The following PLA2G2C variants were observed in gnomAD, a reference collection of about 807,000 sequenced individuals.
The protein encoded by PLA2G2C is phospholipase A2 group IIC.
PLA2G2C carries 15 observed loss-of-function variants against 14.3 expected under a neutral mutation model. The ratio of observed to expected loss-of-function variants is 1.05; its 90% confidence interval spans 0.70 to 1.62. The LOEUF (loss-of-function observed/expected upper bound fraction) is 1.62, where lower values mean the gene tolerates loss of function less well. Among genes scored for constraint, PLA2G2C ranks in the 40% most tolerant of loss-of-function variants. The probability of loss-of-function intolerance (pLI) is 0.00; values close to 1 mark genes in which losing one functional copy is unlikely to be tolerated. For missense variants in PLA2G2C, 162 were observed against 173.2 expected, an observed-to-expected ratio of 0.94 and a Z score of 0.36; for synonymous variants, 79 against 67.7, an observed-to-expected ratio of 1.17 and a Z score of -0.82.
At chr1:20,179,750 G>C (rs1260665863) in intron 1 of PLA2G2C, among the ~76,000 whole-genome samples, 5 of 147,424 alleles carry the variant, frequency 3.4e-5, no homozygotes, top group Non-Finnish European at 7.5e-5. Context: ...GTGTGTGTGT[G>C]TGTGTGTGTG....
chr1:20,164,706 C>T (rs1477800326), intron 4 of PLA2G2C, among the ~76,000 whole-genome samples: 1 of 152,214 alleles, frequency 6.6e-6, no homozygotes, highest in Non-Finnish European at 1.5e-5. Flanking sequence ...CAAGGGAACC[C>T]TTGATATCCT....
intron 1 of PLA2G2C, among the ~76,000 whole-genome samples, chr1:20,182,806 G>A (rs866932111): frequency 1.3e-5 from 2 of 152,350 alleles, no homozygotes; most frequent in South Asian, 4.1e-4. Flanking sequence ...CTGAAATCTA[G>A]AAATCACTAA....
chr1:20,164,182 G>A lies in PLA2G2C; in HGVS notation c.284-25C>T, dbSNP rs116572693. 1.6e-3 allele frequency: 2,523 copies of A among 1,599,832 alleles called. 24 individuals carry two copies. The African/African-American group carries it at 0.026, about 16-fold the overall frequency. ...CCTACAGAGACACAGAGGGTCACTG[G>A]GGGCTCCCAGCCCAGCCCCAGGGTT... On this transcript the variant is annotated intron_variant, in intron 4 of 4. Transcript: ENST00000679259.
At chr1:20,180,512 A>T (rs1196433098) in intron 1 of PLA2G2C, among the ~76,000 whole-genome samples, 1 of 152,196 alleles carries the variant, frequency 6.6e-6, no homozygotes, top group Non-Finnish European at 1.5e-5. Flanking sequence ...AACCTGAAAA[A>T]ATCCACACAG....
chr1:20,171,809 G>A (rs1036320141), intron 4 of PLA2G2C, among the ~76,000 whole-genome samples: 3 of 144,314 alleles, frequency 2.1e-5, no homozygotes, highest in South Asian at 2.3e-4. Flanking sequence ...TGGCCCAGGC[G>A]GGAGTGCAGT....
chr1:20,164,895 GC>G (rs1182791896), intron 4 of PLA2G2C, among the ~76,000 whole-genome samples: 1 of 152,202 alleles, frequency 6.6e-6, no homozygotes, highest in Non-Finnish European at 1.5e-5. Context: ...TTTGGCCACT[GC>G]CCAAATCTCT....
intron 1 of PLA2G2C, chr1:20,186,007 CCCCACCCGA>C: frequency 7.3e-6 from 1 of 137,158 alleles, no homozygotes; most frequent in African/African-American, 3.1e-5. Context: ...CCCCACCCGA[CCCCACCCGA>C]CCCCACCCGA....
At position 20,175,090 on chromosome 1, in the gene PLA2G2C, C is replaced by A; in HGVS notation, c.96G>T (p.Gly32=). The stretch of plus-strand genomic sequence containing the variant: ...CGTAATATGAGAAGAAGGCACTTCG[C>A]CCCGTGATGTGTTTGACCCTCCTCT... ...QFQRRVKHIT[G]RSAFFSYYGY... is the part of the protein sequence containing the mutation. Residue 32 remains glycine (G), a synonymous_variant, in exon 3 of 5, where the codon GGG becomes GGT. Transcript: ENST00000679259. The A allele has an allele frequency of 4.3e-6, 7 of 1,613,908 alleles. No homozygotes were observed. Among genetic ancestry groups the A allele is most frequent in the Non-Finnish European group, 5.9e-6 (7 of 1,179,838 alleles).
chr1:20,182,402 C>T (rs1311157681), intron 1 of PLA2G2C, among the ~76,000 whole-genome samples: 2 of 152,160 alleles, frequency 1.3e-5, no homozygotes, highest in Non-Finnish European at 2.9e-5. Context: ...GTATTTAGAA[C>T]GGCAACATGC....
chr1:20,163,857 G>T lies in PLA2G2C; in HGVS notation c.*134C>A. ...CCTTGGTCAGAATGCTGAAGGGTGA[G>T]CTGCCCTGCGGGAGACATTTTGTCC... is the stretch of plus-strand genomic sequence containing the variant. On this transcript the variant is annotated 3_prime_UTR_variant, in exon 5 of 5. Coordinates refer to ENST00000679259, the MANE Select transcript of PLA2G2C (RefSeq NM_001367969.2). 3 of 1,007,004 alleles carry T rather than the reference G, an allele frequency of 3.0e-6. No individual in the cohort carries two copies. The highest frequency in any genetic ancestry group is 4.2e-6 in the Non-Finnish European group (3 of 706,710). The allele number at this position is 1,007,004 out of a possible 1,614,324, so 62.4% of individuals were successfully genotyped here.
rs543031000 is a variant in PLA2G2C, at chr1:20,175,893, G to A, written c.41-748C>T. ...TGTCTCATGTCTTTTCATAATAAGC[G>A]TGTGTTCCCTTTCCTTCTTTTTTTT... On this transcript the variant is annotated intron_variant, in intron 2 of 4. Coordinates refer to ENST00000679259, the MANE Select transcript of PLA2G2C (RefSeq NM_001367969.2). Among the ~76,000 whole-genome samples, 24 of 151,662 alleles carry A rather than the reference G, an allele frequency of 1.6e-4. 1 individual carries two copies. The South Asian group carries it at 4.8e-3, about 30-fold the overall frequency.
intron 2 of PLA2G2C, among the ~76,000 whole-genome samples, chr1:20,175,754 A>G (rs976764923): frequency 6.6e-6 from 1 of 152,200 alleles, no homozygotes; most frequent in Non-Finnish European, 1.5e-5. Context: ...CAGGGGGATA[A>G]TAACAAAATT....
chr1:20,166,640 A>G (rs910329530), intron 4 of PLA2G2C, among the ~76,000 whole-genome samples: 1 of 152,008 alleles, frequency 6.6e-6, no homozygotes, highest in Non-Finnish European at 1.5e-5. Flanking sequence ...TGTTGGTCTC[A>G]CTGTCTTCTG....
intron 2 of PLA2G2C, among the ~76,000 whole-genome samples, chr1:20,176,278 A>T (rs1465888544): frequency 6.6e-6 from 1 of 152,162 alleles, no homozygotes; most frequent in East Asian, 1.9e-4. Flanking sequence ...CGCTGTATAG[A>T]GGATGTATAT....
At chr1:20,178,620 CTT>C (rs2018227881) in intron 1 of PLA2G2C, among the ~76,000 whole-genome samples, 1 of 152,118 alleles carries the variant, frequency 6.6e-6, no homozygotes, top group Non-Finnish European at 1.5e-5. Context: ...TCCTTTTTCT[CTT>C]TTGAGTCTAA....
At position 20,186,397 on chromosome 1, in the gene PLA2G2C, A is replaced by G. The variant is rs529696103; in HGVS notation, c.-114T>C. ...AGGGTGACTCCCGGGCTCTGCAGAA[A>G]CCGAGGGACCTATGCAACCGCTGGG... On this transcript the variant is annotated 5_prime_UTR_variant, in exon 1 of 5. Transcript: ENST00000679259. 6 of 152,334 alleles carry G rather than the reference A, an allele frequency of 3.9e-5. No individual in the cohort carries two copies. Among genetic ancestry groups the G allele is most frequent in the South Asian group, 4.1e-4 (2 of 4,822 alleles). The allele number at this position is 152,334 out of a possible 1,614,324, so 9.4% of individuals were successfully genotyped here.
intron 1 of PLA2G2C, among the ~76,000 whole-genome samples, chr1:20,185,291 T>C (rs1271866960): frequency 1.3e-5 from 2 of 152,166 alleles, no homozygotes; most frequent in South Asian, 4.2e-4. Flanking sequence ...TCAATACCCG[T>C]GTGTAGGTGG....
At chr1:20,179,510 T>TTCTCC (rs2018243269) in intron 1 of PLA2G2C, among the ~76,000 whole-genome samples, 1 of 150,982 alleles carries the variant, frequency 6.6e-6, no homozygotes, top group African/African-American at 2.5e-5. Context: ...CTTCTCCCTC[T>TTCTCC]ATGTCAGTTT....
chr1:20,171,441 A>G (rs1375656433), intron 4 of PLA2G2C, among the ~76,000 whole-genome samples: 1 of 152,118 alleles, frequency 6.6e-6, no homozygotes, highest in African/African-American at 2.4e-5. Context: ...CGAGCCCCCA[A>G]CCCACACAGC....
Sources: gnomAD v4.1 joint callset for allele counts (sites outside exome capture counted in the v4.1 genomes callset) on GRCh38, gnomAD v4.1.1 for gene constraint, MANE v1.5 for transcripts, NCBI Gene and HGNC (gene_info 2026-07-23, HGNC 2026-07-21) for gene names.